Variants in RARG observed in about 807,000 individuals in gnomAD.
The protein encoded by RARG is retinoic acid receptor gamma, also known as RAR-gamma.
In RARG, 17 loss-of-function variants were observed where a neutral mutation model predicts 43.7. The observed-to-expected ratio is 0.39, with a 90% CI of 0.27 to 0.58. RARG has a LOEUF of 0.58. Among genes scored for constraint, RARG ranks in the 20% least tolerant of loss-of-function variants. RARG has a pLI of 0.57. For synonymous variants in RARG, 238 were observed against 236.4 expected (o/e 1.01, Z -0.06); for missense variants, 346 against 598.7 (o/e 0.58, Z 4.40).
In RARG at chr12:53,230,726, AG is replaced by A. The variant is rs894585422; in HGVS notation, c.-143+442del. ...AGAGGGCATGGACAGGGTGGGGCAG[AG>A]GGGGGAACTGGAGGTGCCAGTTAGG... On this transcript the variant is annotated intron_variant, in intron 2 of 9. Transcript: ENST00000425354. Among the ~76,000 whole-genome samples, 3 of 79,682 alleles carry A rather than the reference AG, an allele frequency of 3.8e-5. No individual in the cohort carries two copies. In the Admixed American group the frequency reaches 4.1e-4, roughly 11 times the overall value. The allele number at this position is 79,682 out of a possible 152,430, so 52.3% of individuals were successfully genotyped here.
chr12:53,227,723 A>G lies in RARG; in HGVS notation c.-142-36T>C. ...AGAGAGAGAAAGGAGAGATGAGAGA[A>G]TGACCACTCTGAGGTTCCAAGCCCT... On this transcript the variant is annotated intron_variant, in intron 2 of 9. Transcript: ENST00000425354. This position sits in a 1 kb window ranked among gnomAD's most constrained non-coding sequence, Gnocchi z 4.3. The G allele has an allele frequency of 8.2e-7, 1 of 1,225,564 alleles. No individual in the cohort carries two copies. The highest frequency in any genetic ancestry group is 2.4e-5 in the South Asian group (1 of 42,476). 75.9% of individuals were successfully genotyped at this position (1,225,564 alleles called of 1,614,324 possible). A position where few individuals can be genotyped will look rare whatever the true frequency, so the allele number is the denominator to read the frequency against.
At position 53,215,883 on chromosome 12, in the gene RARG, G is replaced by A; in HGVS notation, c.185-89C>T. On this transcript the variant is annotated intron_variant, in intron 3 of 9. Transcript: ENST00000425354. This position sits in a 1 kb window ranked among gnomAD's most constrained non-coding sequence, Gnocchi z 6.4. ...CATCACACACACCCCATGTGCATTTGTTCCTTGGCCCACTGGTGACAGCCA... is the reference window on the plus strand; with the variant it reads ...CATCACACACACCCCATGTGCATTTATTCCTTGGCCCACTGGTGACAGCCA... The A allele has an allele frequency of 2.9e-6, 4 of 1,381,232 alleles. No individual in the cohort carries two copies. The highest frequency in any genetic ancestry group is 3.9e-6 in the Non-Finnish European group (4 of 1,037,358). 85.6% of individuals were successfully genotyped at this position (1,381,232 alleles called of 1,614,324 possible).
At chr12:53,223,532 C>A (rs892769843) in intron 3 of RARG, among the ~76,000 whole-genome samples, 3 of 150,032 alleles carry the variant, frequency 2.0e-5, no homozygotes, top group Admixed American at 2.0e-4. Flanking sequence ...CGCCCCCCCC[C>A]CGCCCAAGAG....
At chr12:53,223,869 C>T (rs1943043112) in intron 3 of RARG, among the ~76,000 whole-genome samples, 1 of 152,192 alleles carries the variant, frequency 6.6e-6, no homozygotes, top group Admixed American at 6.5e-5. Context: ...GAAATCTGGG[C>T]TCCTTGCCCC....
chr12:53,214,418 C>T, intron 6 of RARG, 28 bp downstream of exon 6: 1 of 1,601,456 alleles, frequency 6.2e-7, no homozygotes, highest in Non-Finnish European at 8.5e-7. Context: ...GAGTGCCCTG[C>T]CCTCACTGGG....
chr12:53,220,498 C>CGCG (rs1179915413), intron 3 of RARG: 5 of 457,032 alleles, frequency 1.1e-5, no homozygotes, highest in Non-Finnish European at 1.8e-5. Context: ...CTCCGCGGCG[C>CGCG]GCGCGCTTGC....
chr12:53,220,498 C>A, intron 3 of RARG: 1 of 457,150 alleles, frequency 2.2e-6, no homozygotes, highest in Non-Finnish European at 3.6e-6. Flanking sequence ...CTCCGCGGCG[C>A]GCGCGCTTGC....
Position 53,213,037 on chromosome 12 carries a change from A to G in RARG, c.1177+48T>C, listed in dbSNP as rs748777404. 1.5e-5 allele frequency: 23 copies of G among 1,555,032 alleles called. No individual in the cohort carries two copies. Among genetic ancestry groups the G allele is most frequent in the Middle Eastern group, 1.7e-4 (1 of 5,804 alleles). ...TGTGTCCTCCTGTCCGACCTGGGAG[A>G]CCAACAGCCCTGGGAAGACAGAGAG... is the stretch of plus-strand genomic sequence containing the variant. On this transcript the variant is annotated intron_variant, in intron 9 of 9. Transcript: ENST00000425354. This position sits in a 1 kb window ranked among gnomAD's most constrained non-coding sequence, Gnocchi z 4.7.
At chr12:53,221,336 T>G (rs1942956291) in intron 3 of RARG, among the ~76,000 whole-genome samples, 1 of 152,086 alleles carries the variant, frequency 6.6e-6, no homozygotes, top group African/African-American at 2.4e-5. Flanking sequence ...ACTTCACTTT[T>G]AGAGCACAAA....
rs749572280 is a variant in RARG at position 53,213,166 on chromosome 12, G to C, written c.1096C>G (p.Arg366Gly). ...TAGGGCTGGCTGGGCCGCCGGCGCC[G>C]GGCGTACAGCCTCAGGGCTTCCAGC... is the stretch of plus-strand genomic sequence containing the variant. ...PLLEALRLYA[R>G]RRRPSQPYMF... Residue 366 changes from arginine (R) to glycine (G), a missense_variant, in exon 9 of 10, where the codon CGG (arginine) becomes GGG (glycine). This residue lies in a region of RARG where 25 missense variants were observed against 23.0 expected (regional missense o/e 1.09). Transcript: ENST00000425354. This position sits in a 1 kb window ranked among gnomAD's most constrained non-coding sequence, Gnocchi z 4.7. 9 of 1,613,124 alleles carry C rather than the reference G, an allele frequency of 5.6e-6. No individual in the cohort carries two copies. Among genetic ancestry groups the C allele is most frequent in the Non-Finnish European group, 7.6e-6 (9 of 1,179,104 alleles).
intron 3 of RARG, among the ~76,000 whole-genome samples, chr12:53,221,822 G>C (rs895622141): frequency 4.6e-5 from 7 of 151,326 alleles, no homozygotes; most frequent in African/African-American, 1.5e-4. Flanking sequence ...GCAGCGCCGC[G>C]GAGCGGGAGC....
At chr12:53,231,915 C>G (rs1395746310) in intron 1 of RARG, 59 bp downstream of exon 1, 1 of 395,080 alleles carries the variant, frequency 2.5e-6, no homozygotes, top group Non-Finnish European at 4.5e-6. Flanking sequence ...CTCCCCCAGC[C>G]GCCTCGCCGG....
rs1309903997 is a variant in RARG at position 53,227,850 on chromosome 12, G to A, written c.-142-163C>T. Among the ~76,000 whole-genome samples the A allele has an allele frequency of 6.6e-6, 1 of 152,214 alleles. No individual in the cohort carries two copies. Among genetic ancestry groups the A allele is most frequent in the East Asian group, 1.9e-4 (1 of 5,194 alleles). ...TGTGGTAGAGAGGGCACGGCAGGGG[G>A]TTATGCAGGCTCTGAGAAACTCTCC... is the stretch of plus-strand genomic sequence containing the variant. On this transcript the variant is annotated intron_variant, in intron 2 of 9. Coordinates refer to ENST00000425354, the MANE Select transcript of RARG (RefSeq NM_000966.6). This position sits in a 1 kb window ranked among gnomAD's most constrained non-coding sequence, Gnocchi z 4.3.
At chr12:53,216,236 T>A (rs1942757484) in intron 3 of RARG, among the ~76,000 whole-genome samples, 1 of 152,118 alleles carries the variant, frequency 6.6e-6, no homozygotes, top group Admixed American at 6.6e-5. Context: ...CTTCCCACTG[T>A]CCTCCCTGTG....
chr12:53,225,742 G>A (rs1182946993), intron 3 of RARG, among the ~76,000 whole-genome samples: 3 of 152,208 alleles, frequency 2.0e-5, no homozygotes, highest in South Asian at 2.1e-4. Flanking sequence ...CTGGCCAGGA[G>A]GAATGACTAC....
In RARG at chr12:53,215,355, G is replaced by A; in HGVS notation, c.413C>T (p.Thr138Ile). 1 of 1,614,068 alleles carries A rather than the reference G, an allele frequency of 6.2e-7. No individual in the cohort carries two copies. The highest frequency in any genetic ancestry group is 8.5e-7 in the Non-Finnish European group (1 of 1,179,992). The change falls in exon 5 of 10, where the codon ACC becomes ATC. Residue 138 changes from threonine (T) to isoleucine (I), a missense_variant. Thr to Ile is a moderately conservative substitution (Grantham distance 89). Coordinates refer to ENST00000425354, the MANE Select transcript of RARG (RefSeq NM_000966.6). The surrounding 1 kb of genome is among the most constrained non-coding windows in gnomAD (Gnocchi z 6.4). ...RDKNCIINKV[T>I]RNRCQYCRLQ... is the part of the protein sequence containing the mutation. ...CCGGCAGTACTGGCAGCGATTCCTG[G>A]TCACCTTGTTGATGATACAGTTTTT...
chr12:53,213,262 T>C lies in RARG; in HGVS notation c.1019-19A>G, dbSNP rs1043358719. ...ATGCGGTCTATGGGGACAAGTATAC[T>C]GGAGTGAGAGGGGAAGGAAGAGATG... On this transcript the variant is annotated intron_variant, in intron 8 of 9. Coordinates refer to ENST00000425354, the MANE Select transcript of RARG (RefSeq NM_000966.6). This position sits in a 1 kb window ranked among gnomAD's most constrained non-coding sequence, Gnocchi z 4.7. 4 of 1,547,928 alleles carry C rather than the reference T, an allele frequency of 2.6e-6. No homozygotes were observed. Among genetic ancestry groups the C allele is most frequent in the East Asian group, 2.3e-5 (1 of 44,414 alleles).
intron 3 of RARG, chr12:53,219,837 T>C (rs990427701): frequency 9.6e-6 from 10 of 1,036,408 alleles, no homozygotes; most frequent in East Asian, 8.3e-5. Context: ...GTACCTTACA[T>C]AGAAAGGGCC....
intron 2 of RARG, among the ~76,000 whole-genome samples, chr12:53,230,820 GC>G (rs1282916611): frequency 1.3e-5 from 2 of 150,582 alleles, no homozygotes; most frequent in East Asian, 3.9e-4. Flanking sequence ...TGCCTACTAG[GC>G]TGTAGGCCAC....
Sources: allele counts gnomAD v4.1 joint callset (sites outside exome capture counted in the v4.1 genomes callset), GRCh38; gene constraint gnomAD v4.1.1; regional missense constraint gnomAD v4.1.1; non-coding constraint Gnocchi (gnomAD v3.1); transcripts MANE v1.5; gene names NCBI Gene and HGNC (gene_info 2026-07-23, HGNC 2026-07-21).